The following WDR54 variants were observed in gnomAD, a reference collection of about 807,000 sequenced individuals.
The protein encoded by WDR54 is WD repeat domain 54.
In WDR54, 44 loss-of-function variants were observed where a neutral mutation model predicts 44.1. That is an observed-to-expected ratio of 1.00 (90% confidence interval 0.78 to 1.28). The LOEUF (loss-of-function observed/expected upper bound fraction) is 1.28. WDR54 is among the 50% of genes most tolerant of loss of function. The pLI, the probability that WDR54 is intolerant of heterozygous loss-of-function variation, is 0.00. For missense variants in WDR54, 409 were observed against 429.7 expected (o/e 0.95, Z 0.43); for synonymous variants, 169 against 169.8 (o/e 1.00, Z 0.04).
chr2:74,421,795 G>C lies in WDR54; in HGVS notation c.-23G>C. 1 of 675,340 alleles carries C rather than the reference G, an allele frequency of 1.5e-6. No individual in the cohort carries two copies. Among genetic ancestry groups the C allele is most frequent in the Non-Finnish European group, 2.7e-6 (1 of 366,532 alleles). The allele number at this position is 675,340 out of a possible 1,614,324, so 41.8% of individuals were successfully genotyped here. A position where few individuals can be genotyped will look rare whatever the true frequency, so the allele number is the denominator to read the frequency against. ...AGGGACCCTACGAACCAGGAGTCAG[G>C]CGAGCCGATCTGGGGCTGCAGGTGT... On this transcript the variant is annotated 5_prime_UTR_variant, in exon 1 of 10. Transcript: ENST00000348227.
rs752462981 is a variant in WDR54 at position 74,423,874 on chromosome 2, G to A, written c.426G>A (p.Val142=). 1 of 1,614,174 alleles carries A rather than the reference G, an allele frequency of 6.2e-7. No individual in the cohort carries two copies. ...FICVGTWSGR[V]LVFDIPAKGP... ...ATACAGGAACGTGGTCAGGCCGGGT[G>A]CTGGTGTTTGACATCCCAGCAAAGG... Residue 142 remains valine (V), a synonymous_variant, in exon 6 of 10, where the codon GTG becomes GTA. Coordinates refer to ENST00000348227, the MANE Select transcript of WDR54 (RefSeq NM_032118.4).
At position 74,423,099 on chromosome 2, in the gene WDR54, C is replaced by T. The variant is rs1279944494; in HGVS notation, c.285+167C>T. The T allele has an allele frequency of 3.2e-5, 27 of 855,232 alleles. No individual in the cohort carries two copies. The Admixed American group carries it at 5.4e-4, about 17-fold the overall frequency. 53.0% of individuals were successfully genotyped at this position (855,232 alleles called of 1,614,324 possible). The stretch of plus-strand genomic sequence containing the variant: ...CAATCTTTCCATCTTTTCCAGTTTC[C>T]AAGTGCCACCTCCAGTATCTGCCCC... On this transcript the variant is annotated intron_variant, in intron 3 of 9. Transcript: ENST00000348227.
rs746088546 is a variant in WDR54, at chr2:74,422,344, G to A, written c.191G>A (p.Gly64Asp). 1.2e-6 allele frequency: 2 copies of A among 1,613,996 alleles called. No homozygotes were observed. Among genetic ancestry groups the A allele is most frequent in the Middle Eastern group, 1.6e-4 (1 of 6,062 alleles). Residue 64 changes from glycine to aspartate, a missense_variant, in exon 2 of 10, where the codon GGT (glycine) becomes GAT (aspartate). Transcript: ENST00000348227. ...LAQRQLHAKE[G>D]AGVSPPLITQ... ...CAGCGCCAGCTCCACGCTAAGGAGG[G>A]TGCTGGAGTGAGTCCCCCACTTATC...
chr2:74,424,056 G>A, intron 6 of WDR54, 74 bp downstream of exon 6: 2 of 1,586,932 alleles, frequency 1.3e-6, no homozygotes, highest in Non-Finnish European at 1.7e-6. Flanking sequence ...TTGAGTCTTG[G>A]CTCTGCCACT....
intron 4 of WDR54, 32 bp downstream of exon 4, chr2:74,423,417 G>A: frequency 6.2e-7 from 1 of 1,614,162 alleles, no homozygotes; most frequent in Non-Finnish European, 8.5e-7. Context: ...GTGGGGGCAG[G>A]GAGTGTTTGC....
intron 4 of WDR54, 37 bp from the exon 5 acceptor site, chr2:74,423,441 G>T (rs374531256): frequency 2.0e-5 from 32 of 1,613,994 alleles, no homozygotes; most frequent in Non-Finnish European, 2.5e-5. Context: ...GGCTGCAGGA[G>T]GGGATATTTC....
chr2:74,425,597 G>A lies in WDR54; in HGVS notation c.901G>A (p.Ala301Thr), dbSNP rs146940969. 1.6e-4 allele frequency: 262 copies of A among 1,614,206 alleles called. No homozygotes were observed. The highest frequency in any genetic ancestry group is 1.3e-4 in the East Asian group (6 of 44,880). Residue 301 changes from alanine to threonine, a missense_variant, in exon 10 of 10, where the codon GCC (alanine) becomes ACC (threonine). Coordinates refer to ENST00000348227, the MANE Select transcript of WDR54 (RefSeq NM_032118.4). The part of the protein sequence containing the change: ...EVEHCHGECV[A>T]DTQLCGARFC... ...GGAACACTGTCATGGTGAGTGTGTC[G>A]CCGACACCCAGCTGTGTGGTGCTCG...
At position 74,424,756 on chromosome 2, in the gene WDR54, C is replaced by T; in HGVS notation, c.535-119C>T. On this transcript the variant is annotated intron_variant, in intron 6 of 9. Coordinates refer to ENST00000348227, the MANE Select transcript of WDR54 (RefSeq NM_032118.4). ...ATGGGTCTAGCTAGTGAGAGCTCCACACCTTGCCCTTTCCCTGGAGAGGCA... is the reference window on the plus strand; with the variant it reads ...ATGGGTCTAGCTAGTGAGAGCTCCATACCTTGCCCTTTCCCTGGAGAGGCA... 17 of 1,274,440 alleles carry T rather than the reference C, an allele frequency of 1.3e-5. 1 individual carries two copies. In the South Asian group the frequency reaches 1.9e-4, roughly 14 times the overall value. The allele number at this position is 1,274,440 out of a possible 1,614,324, so 78.9% of individuals were successfully genotyped here. A position where few individuals can be genotyped will look rare whatever the true frequency, so the allele number is the denominator to read the frequency against.
chr2:74,425,699 T>A lies in WDR54; in HGVS notation c.1003T>A (p.Ter335ArgextTer?). Residue 335 changes from the stop codon to arginine, a stop_lost, in exon 10 of 10, where the codon TGA becomes AGA. Coordinates refer to ENST00000348227, the MANE Select transcript of WDR54 (RefSeq NM_032118.4). Reference sequence around the variant, plus strand: ...GGAGATCCGGAGATTCAGCAGTGTGTGAGAAGAGCAGCCTTCCTTTGTCCC... The same window carrying A: ...GGAGATCCGGAGATTCAGCAGTGTGAGAGAAGAGCAGCCTTCCTTTGTCCC... Reference protein sequence around the residue: ...LAEIRRFSSV* With the variant: ...LAEIRRFSSVR The A allele has an allele frequency of 1.9e-6, 3 of 1,614,150 alleles. No individual in the cohort carries two copies. Among genetic ancestry groups the A allele is most frequent in the Non-Finnish European group, 2.5e-6 (3 of 1,180,010 alleles).
chr2:74,423,594 T>C, intron 5 of WDR54, 63 bp downstream of exon 5: 1 of 1,590,336 alleles, frequency 6.3e-7, no homozygotes, highest in East Asian at 2.2e-5. Flanking sequence ...GCCAGGAGAA[T>C]AATGAGGGCC....
At position 74,424,887 on chromosome 2, in the gene WDR54, G is replaced by C. The variant is rs148197648; in HGVS notation, c.547G>C (p.Asp183His). The C allele has an allele frequency of 5.0e-6, 8 of 1,614,078 alleles. No homozygotes were observed. The Admixed American group carries it at 1.3e-4, about 27-fold the overall frequency. ...EPAQGQDCVA[D>H]MVTADDSGLL... is the part of the protein sequence containing the mutation. ...CCTTTCCCTTCAGGATTGTGTGGCT[G>C]ACATGGTGACGGCAGATGACTCAGG... The change falls in exon 7 of 10, where the codon GAC becomes CAC. Residue 183 changes from aspartate (D) to histidine (H), a missense_variant. Coordinates refer to ENST00000348227, the MANE Select transcript of WDR54 (RefSeq NM_032118.4).
At position 74,425,056 on chromosome 2, in the gene WDR54, T is replaced by C. The variant is rs376582894; in HGVS notation, c.636-19T>C. On this transcript the variant is annotated intron_variant, in intron 7 of 9. Coordinates refer to ENST00000348227, the MANE Select transcript of WDR54 (RefSeq NM_032118.4). ...AGGATTTGATCTGGGCAAAACAAAG[T>C]TGGGTGTCACCCTTGCAGAGTTCCG... is the stretch of plus-strand genomic sequence containing the variant. 2.5e-6 allele frequency: 4 copies of C among 1,612,080 alleles called. No individual in the cohort carries two copies. In the African/African-American group the frequency reaches 5.3e-5, roughly 22 times the overall value.
Position 74,422,282 on chromosome 2 carries a change from G to A in WDR54, c.129G>A (p.Gln43=), listed in dbSNP as rs765983222. The A allele has an allele frequency of 6.2e-7, 1 of 1,614,222 alleles. No homozygotes were observed. Among genetic ancestry groups the A allele is most frequent in the Admixed American group, 1.7e-5 (1 of 60,034 alleles). ...GCGTGGTTCATGGACCAAGCGCCCA[G>A]CTTCTCAGCGCTGCTCCTGAGGGTG... is the stretch of plus-strand genomic sequence containing the variant. ...YFGVVHGPSA[Q]LLSAAPEGVP... The change falls in exon 2 of 10, where the codon CAG becomes CAA. Residue 43 remains glutamine, a synonymous_variant. Coordinates refer to ENST00000348227, the MANE Select transcript of WDR54 (RefSeq NM_032118.4).
intron 7 of WDR54, 39 bp downstream of exon 7, chr2:74,425,014 G>A: frequency 6.2e-7 from 1 of 1,614,130 alleles, no homozygotes; most frequent in Middle Eastern, 1.6e-4. Context: ...TCCTGAGATA[G>A]CTTCAGGCTG....
chr2:74,424,364 A>G (rs1043754509), intron 6 of WDR54, among the ~76,000 whole-genome samples: 1 of 152,190 alleles, frequency 6.6e-6, no homozygotes, highest in Non-Finnish European at 1.5e-5. Context: ...TCTTAGCTGA[A>G]ACCTGAATTG....
rs1265533715 is a variant in WDR54, at chr2:74,423,223, T to C, written c.286-96T>C. On this transcript the variant is annotated intron_variant, in intron 3 of 9. Transcript: ENST00000348227. ...ATAGTACCTACATCCCAGATTTGTT[T>C]TGAGGATTAAATGGGCTAAGGCTAA... 2.8e-6 allele frequency: 4 copies of C among 1,415,998 alleles called. No homozygotes were observed. The East Asian group carries it at 6.9e-5, about 24-fold the overall frequency. 87.7% of individuals were successfully genotyped at this position (1,415,998 alleles called of 1,614,324 possible). A position where few individuals can be genotyped will look rare whatever the true frequency, so the allele number is the denominator to read the frequency against.
chr2:74,422,131 A>T, intron 1 of WDR54, 22 bp from the exon 2 acceptor site: 1 of 1,606,476 alleles, frequency 6.2e-7, no homozygotes, highest in Non-Finnish European at 8.5e-7. Context: ...GCGCCTGGTG[A>T]TTCGGCTGCA....
intron 5 of WDR54, 134 bp downstream of exon 5, chr2:74,423,665 T>G: frequency 6.9e-7 from 1 of 1,445,090 alleles, no homozygotes; most frequent in South Asian, 1.3e-5. Flanking sequence ...GAGACTCCAG[T>G]AAACCATGGA....
In WDR54 at chr2:74,422,479, C is replaced by G. The variant is rs2103851854; in HGVS notation, c.222+104C>G. The stretch of plus-strand genomic sequence containing the variant: ...GCATGTCCTAACCTCAGAATCTCCC[C>G]AGGCATGTCCTAACCTCAGAATCTC... On this transcript the variant is annotated intron_variant, in intron 2 of 9. Transcript: ENST00000348227. 1.1e-5 allele frequency: 14 copies of G among 1,309,036 alleles called. No homozygotes were observed. The South Asian group carries it at 1.9e-4, about 18-fold the overall frequency. 81.1% of individuals were successfully genotyped at this position (1,309,036 alleles called of 1,614,324 possible). A position where few individuals can be genotyped will look rare whatever the true frequency, so the allele number is the denominator to read the frequency against.
Sources: gnomAD v4.1 joint callset for allele counts (sites outside exome capture counted in the v4.1 genomes callset) on GRCh38, gnomAD v4.1.1 for gene constraint, MANE v1.5 for transcripts, NCBI Gene and HGNC (gene_info 2026-07-23, HGNC 2026-07-21) for gene names.